Variants in TBCD observed in about 807,000 individuals in gnomAD.
TBCD encodes the protein tubulin-specific chaperone D.
Under a neutral mutation model 169.3 loss-of-function variants are expected in TBCD, and 105 were observed. That is an observed-to-expected ratio of 0.62 (90% CI 0.53 to 0.73). The LOEUF (loss-of-function observed/expected upper bound fraction) is 0.73, where lower values mean the gene tolerates loss of function less well. Among genes scored for constraint, TBCD ranks in the 30% least tolerant of loss-of-function variants. The pLI is 0.00. For synonymous variants in TBCD, 700 were observed against 643.9 expected (o/e 1.09, Z -1.32); for missense variants, 1,444 against 1,600.1 (o/e 0.90, Z 1.66).
intron 13 of TBCD, among the ~76,000 whole-genome samples, chr17:82,828,642 GCA>G (rs1350084167): frequency 2.0e-5 from 3 of 149,844 alleles, no homozygotes; most frequent in African/African-American, 7.4e-5. Context: ...AATCGAATGC[GCA>G]CACACCTGCA....
Position 82,756,210 on chromosome 17 carries a change from A to G in TBCD, c.230A>G (p.His77Arg), listed in dbSNP as rs1409600874. Residue 77 changes from histidine to arginine, a missense_variant, in exon 2 of 39, where the codon CAC (histidine) becomes CGC (arginine). Transcript: ENST00000355528. ...GAGCAGCCTCATCTGTTGGACCCGC[A>G]CCTTGGTAAGAATAGAAGCTGCTGA... The part of the protein sequence containing the change: ...YQEQPHLLDP[H>R]LEWMMNLLLD... 3 of 1,609,878 alleles carry G rather than the reference A, an allele frequency of 1.9e-6. No individual in the cohort carries two copies. The highest frequency in any genetic ancestry group is 4.5e-5 in the East Asian group (2 of 44,780).
rs774173631 is a variant in TBCD, at chr17:82,944,588, G to C, written c.*2125G>C. On this transcript the variant is annotated 3_prime_UTR_variant, in exon 39 of 39. Transcript: ENST00000355528. Reference sequence around the variant, plus strand: ...GCATTTGGGCAGAGGTCCAGACTGTGTCCAATGGCAGAAAAGAGAATGCTT... The same window carrying C: ...GCATTTGGGCAGAGGTCCAGACTGTCTCCAATGGCAGAAAAGAGAATGCTT... 6.6e-6 allele frequency: 1 copy of C among 152,244 alleles called. No individual in the cohort carries two copies. Among genetic ancestry groups the C allele is most frequent in the Non-Finnish European group, 1.5e-5 (1 of 68,060 alleles). The allele number at this position is 152,244 out of a possible 1,614,324, so 9.4% of individuals were successfully genotyped here. A position where few individuals can be genotyped will look rare whatever the true frequency, so the allele number is the denominator to read the frequency against.
chr17:82,784,823 C>T (rs2049186859), intron 7 of TBCD, among the ~76,000 whole-genome samples: 1 of 152,194 alleles, frequency 6.6e-6, no homozygotes, highest in Non-Finnish European at 1.5e-5. Context: ...AGACCATGAG[C>T]CTTACCCGGC....
intron 13 of TBCD, among the ~76,000 whole-genome samples, chr17:82,854,421 G>T (rs536527122): frequency 6.6e-6 from 1 of 152,226 alleles, no homozygotes; most frequent in African/African-American, 2.4e-5. Context: ...GGACGCAGGC[G>T]CTGCAGGCTC....
At chr17:82,858,504 T>A in intron 13 of TBCD, 3 of 909,982 alleles carry the variant, frequency 3.3e-6, no homozygotes, top group Non-Finnish European at 3.9e-6. Context: ...GTTCTACAGG[T>A]ACTACGGCTG....
intron 13 of TBCD, among the ~76,000 whole-genome samples, chr17:82,861,884 G>T (rs1269729452): frequency 6.6e-6 from 1 of 151,920 alleles, no homozygotes; most frequent in Non-Finnish European, 1.5e-5. Context: ...TTATTAAGAG[G>T]TAGACAATTC....
Position 82,927,951 on chromosome 17 carries a change from C to T in TBCD, c.2656C>T (p.Leu886=). The T allele has an allele frequency of 1.2e-6, 2 of 1,613,098 alleles. No individual in the cohort carries two copies. The highest frequency in any genetic ancestry group is 1.7e-6 in the Non-Finnish European group (2 of 1,179,804). The change falls in exon 30 of 39, where the codon CTG becomes TTG. Residue 886 remains leucine (L), a synonymous_variant. Transcript: ENST00000355528. ...MTSLMDLTLL[L]ARSQPELIEA... is the part of the protein sequence containing the mutation. The stretch of plus-strand genomic sequence containing the variant: ...CAGTCTGATGGATCTGACACTTCTG[C>T]TGGCTCGGAGCCAGCCTGAGCTGAT...
At chr17:82,859,070 C>T (rs1328832931) in intron 13 of TBCD, among the ~76,000 whole-genome samples, 1 of 152,110 alleles carries the variant, frequency 6.6e-6, no homozygotes, top group Non-Finnish European at 1.5e-5. Context: ...CTGTGTCCTC[C>T]CCGCACTGGC....
Position 82,923,825 on chromosome 17 carries a change from C to A in TBCD, c.2260+92C>A. On this transcript the variant is annotated intron_variant, in intron 26 of 38. Transcript: ENST00000355528. This position sits in a 1 kb window ranked among gnomAD's most constrained non-coding sequence, Gnocchi z 4.6. ...GGGCACGGAGGAGGCCTCGGTTGTG[C>A]AGTGGAGCAGAGCCACCACGATCAT... 2 of 1,035,658 alleles carry A rather than the reference C, an allele frequency of 1.9e-6. No homozygotes were observed. The highest frequency in any genetic ancestry group is 2.8e-6 in the Non-Finnish European group (2 of 708,808). The allele number at this position is 1,035,658 out of a possible 1,614,324, so 64.2% of individuals were successfully genotyped here. A position where few individuals can be genotyped will look rare whatever the true frequency, so the allele number is the denominator to read the frequency against.
intron 13 of TBCD, chr17:82,830,775 G>A: frequency 6.2e-7 from 1 of 1,613,794 alleles, no homozygotes; most frequent in Non-Finnish European, 8.5e-7. Flanking sequence ...AGAGGTTGAG[G>A]GGGCCCATCC....
rs750433190 is a variant in TBCD at position 82,930,475 on chromosome 17, GC to G, written c.2992-46del. 4 of 1,597,920 alleles carry G rather than the reference GC, an allele frequency of 2.5e-6. No individual in the cohort carries two copies. The Middle Eastern group carries it at 5.2e-4, about 209-fold the overall frequency. Reference sequence around the variant, plus strand: ...CGGCTGTAGCCAAGCCTGAGGGGTGGCAGGCTCGGGGGTCCCACTGCCTTCT... The same window carrying G: ...CGGCTGTAGCCAAGCCTGAGGGGTGGAGGCTCGGGGGTCCCACTGCCTTCT... On this transcript the variant is annotated intron_variant, in intron 32 of 38. Transcript: ENST00000355528. The surrounding 1 kb of genome is among the most constrained non-coding windows in gnomAD (Gnocchi z 5.2).
rs1346477432 is a variant in TBCD, at chr17:82,770,423, A to G, written c.582+1857A>G. Among the ~76,000 whole-genome samples, 3 of 151,758 alleles carry G rather than the reference A, an allele frequency of 2.0e-5. No homozygotes were observed. In the South Asian group the frequency reaches 6.2e-4, roughly 31 times the overall value. ...GAGACCAGCCTGACCAACATGGAGA[A>G]ACCTTGTCTCTACTAAAAATACAAC... On this transcript the variant is annotated intron_variant, in intron 5 of 38. Coordinates refer to ENST00000355528, the MANE Select transcript of TBCD (RefSeq NM_005993.5).
intron 35 of TBCD, chr17:82,937,825 A>C: frequency 1.4e-6 from 2 of 1,458,504 alleles, no homozygotes; most frequent in Non-Finnish European, 1.8e-6. Flanking sequence ...ATCCTCTGTG[A>C]GGCGTCCTCA....
In TBCD at chr17:82,809,775, T is replaced by C. The variant is rs1352580456; in HGVS notation, c.1216T>C (p.Cys406Arg). ...ADDVVGSVLD[C>R]FSFQETDKAW... The stretch of plus-strand genomic sequence containing the variant: ...TGATGTGGTCGGGTCTGTGCTGGAC[T>C]GCTTCAGGTATGTGAGAAGAGCAGG... The change falls in exon 12 of 39, where the codon TGC (cysteine) becomes CGC (arginine). Residue 406 changes from cysteine to arginine, a missense_variant. Cys to Arg is a radical substitution (Grantham distance 180). Coordinates refer to ENST00000355528, the MANE Select transcript of TBCD (RefSeq NM_005993.5). 6.2e-6 allele frequency: 10 copies of C among 1,613,522 alleles called. No homozygotes were observed. The highest frequency in any genetic ancestry group is 5.9e-6 in the Non-Finnish European group (7 of 1,179,638).
At chr17:82,775,565 T>G (rs2048544059) in intron 6 of TBCD, among the ~76,000 whole-genome samples, 1 of 151,966 alleles carries the variant, frequency 6.6e-6, no homozygotes, top group Admixed American at 6.6e-5. Context: ...ATTGAATGCT[T>G]CTCCCTGTAT....
chr17:82,807,971 G>A (rs1056119690), intron 11 of TBCD, among the ~76,000 whole-genome samples: 4 of 152,136 alleles, frequency 2.6e-5, no homozygotes, highest in Non-Finnish European at 4.4e-5. Context: ...CCCACCTATC[G>A]TTCCCCACAG....
At chr17:82,812,732 G>A (rs986563410) in intron 12 of TBCD, among the ~76,000 whole-genome samples, 4 of 152,266 alleles carry the variant, frequency 2.6e-5, no homozygotes, top group East Asian at 1.9e-4. Flanking sequence ...TAGTAGAGAC[G>A]GGGTTTCACC....
intron 14 of TBCD, among the ~76,000 whole-genome samples, chr17:82,872,947 G>GTCT (rs1567932352): frequency 7.6e-6 from 1 of 132,216 alleles, no homozygotes; most frequent in Non-Finnish European, 1.5e-5. Context: ...AGCCAGGCCC[G>GTCT]GCACCTCGTG....
Position 82,782,760 on chromosome 17 carries a change from T to C in TBCD, c.771+1039T>C, listed in dbSNP as rs1462281984. Among the ~76,000 whole-genome samples, 3 of 151,646 alleles carry C rather than the reference T, an allele frequency of 2.0e-5. No homozygotes were observed. The highest frequency in any genetic ancestry group is 4.4e-5 in the Non-Finnish European group (3 of 67,950). Reference sequence around the variant, plus strand: ...CATCGTCTTCCTATCCGCGGCATTGTCTTCCTATCCGCGGCGTTGTCTTCC... The same window carrying C: ...CATCGTCTTCCTATCCGCGGCATTGCCTTCCTATCCGCGGCGTTGTCTTCC... On this transcript the variant is annotated intron_variant, in intron 7 of 38. Transcript: ENST00000355528. The surrounding 1 kb of genome is among the most constrained non-coding windows in gnomAD (Gnocchi z 5.1).
Sources: allele counts gnomAD v4.1 joint callset (sites outside exome capture counted in the v4.1 genomes callset), GRCh38; gene constraint gnomAD v4.1.1; non-coding constraint Gnocchi (gnomAD v3.1); transcripts MANE v1.5; gene names NCBI Gene and HGNC (gene_info 2026-07-23, HGNC 2026-07-21).